Variants in FRAS1 observed in about 807,000 individuals in gnomAD.
The protein encoded by FRAS1 is Fraser extracellular matrix complex subunit 1, also known as extracellular matrix organizing protein FRAS1.
A neutral mutation model predicts 435.2 loss-of-function variants in FRAS1; 290 were observed. The observed-to-expected ratio is 0.67, with a 90% CI of 0.61 to 0.73. The LOEUF (loss-of-function observed/expected upper bound fraction) is 0.73, where lower values mean the gene tolerates loss of function less well. Ranked by LOEUF, FRAS1 falls within the 30% of genes least tolerant of loss-of-function variation. The probability of loss-of-function intolerance (pLI) is 0.00; values close to 1 mark genes in which losing one functional copy is unlikely to be tolerated. For missense variants in FRAS1, 4,860 were observed against 5,001.5 expected (o/e 0.97, Z 0.85); for synonymous variants, 1,800 against 1,851.0 (o/e 0.97, Z 0.71).
Position 78,058,132 on chromosome 4 carries a change from G to A in FRAS1, c.76+47G>A, listed in dbSNP as rs374683314. ...TGTGTGTGTGTGTGCGTGTGCGTGTGTGTGTGTATGTGTGAGTGATCGTGC... is the reference window on the plus strand; with the variant it reads ...TGTGTGTGTGTGTGCGTGTGCGTGTATGTGTGTATGTGTGAGTGATCGTGC... On this transcript the variant is annotated intron_variant, in intron 1 of 73. Transcript: ENST00000512123. 378 of 1,491,764 alleles carry A rather than the reference G, an allele frequency of 2.5e-4. 2 individuals carry two copies. In the African/African-American group the frequency reaches 4.8e-3, roughly 19 times the overall value. 92.4% of individuals were successfully genotyped at this position (1,491,764 alleles called of 1,614,324 possible).
chr4:78,133,966 G>GTT (rs1238418748), intron 2 of FRAS1, among the ~76,000 whole-genome samples: 1 of 93,944 alleles, frequency 1.1e-5, no homozygotes, highest in Non-Finnish European at 2.4e-5. Context: ...TTTTTTTTTT[G>GTT]TTTTTTTTTT....
intron 2 of FRAS1, among the ~76,000 whole-genome samples, chr4:78,227,469 C>T (rs1578195944): frequency 6.6e-6 from 1 of 152,206 alleles, no homozygotes; most frequent in East Asian, 1.9e-4. Flanking sequence ...GAGTCACTGG[C>T]AATGAAACCT....
At position 78,419,500 on chromosome 4, in the gene FRAS1, C is replaced by T. The variant is rs756521063; in HGVS notation, c.4540+437C>T. Reference sequence around the variant, plus strand: ...CAAAGAGGGCTGAGCCACACATATTCAGTTCCTTCCCCGATTGGATACATT... The same window carrying T: ...CAAAGAGGGCTGAGCCACACATATTTAGTTCCTTCCCCGATTGGATACATT... On this transcript the variant is annotated intron_variant, in intron 33 of 73. Transcript: ENST00000512123. Among the ~76,000 whole-genome samples, 83 of 152,162 alleles carry T rather than the reference C, an allele frequency of 5.5e-4. 2 individuals are homozygous for T. Among genetic ancestry groups the T allele is most frequent in the Non-Finnish European group, 1.2e-4 (8 of 68,024 alleles).
intron 1 of FRAS1, among the ~76,000 whole-genome samples, chr4:78,058,814 G>T (rs1196437809): frequency 3.3e-5 from 5 of 152,248 alleles, no homozygotes; most frequent in Admixed American, 6.5e-5. Context: ...TTGTCGCCAT[G>T]ATATCAAATG....
chr4:78,339,975 A>G (rs537469597), intron 20 of FRAS1, among the ~76,000 whole-genome samples: 1 of 152,274 alleles, frequency 6.6e-6, no homozygotes, highest in South Asian at 2.1e-4. Context: ...TTAAAATGTA[A>G]CTCTGAATGT....
At chr4:78,123,125 C>T (rs1157354435) in intron 2 of FRAS1, among the ~76,000 whole-genome samples, 2 of 152,148 alleles carry the variant, frequency 1.3e-5, no homozygotes, top group African/African-American at 4.8e-5. Context: ...ACGTTTAAGT[C>T]TTTGATCCAT....
chr4:78,103,660 G>A (rs1470590706), intron 2 of FRAS1, among the ~76,000 whole-genome samples: 1 of 152,142 alleles, frequency 6.6e-6, no homozygotes, highest in Non-Finnish European at 1.5e-5. Flanking sequence ...ATTGGGGTTA[G>A]TGCCTATATA....
chr4:78,097,611 G>A (rs1288176133), intron 2 of FRAS1, among the ~76,000 whole-genome samples: 4 of 152,160 alleles, frequency 2.6e-5, no homozygotes, highest in African/African-American at 9.7e-5. Context: ...AGCTTGTGCA[G>A]GGAAACTTCC....
chr4:78,301,686 A>AG (rs1432697670), intron 14 of FRAS1, among the ~76,000 whole-genome samples: 1 of 152,022 alleles, frequency 6.6e-6, no homozygotes, highest in Non-Finnish European at 1.5e-5. Flanking sequence ...ACAAAAGGCA[A>AG]GGGGGTGGAG....
At chr4:78,408,794 C>A (rs1733201652) in intron 31 of FRAS1, among the ~76,000 whole-genome samples, 1 of 152,030 alleles carries the variant, frequency 6.6e-6, no homozygotes, top group South Asian at 2.1e-4. Flanking sequence ...AAATACCAGA[C>A]CATAAGGAGA....
intron 48 of FRAS1, 115 bp from the exon 49 acceptor site, chr4:78,464,328 A>C: frequency 6.8e-7 from 1 of 1,464,756 alleles, no homozygotes; most frequent in Non-Finnish European, 9.4e-7. Context: ...TGGGGCTCCT[A>C]ATTATTGACT....
At chr4:78,100,680 CTG>C (rs1275994058) in intron 2 of FRAS1, among the ~76,000 whole-genome samples, 1 of 152,206 alleles carries the variant, frequency 6.6e-6, no homozygotes, top group Non-Finnish European at 1.5e-5. Context: ...ACAAGGCACT[CTG>C]TGCTTTTTTC....
At chr4:78,198,036 C>A (rs900522205) in intron 2 of FRAS1, among the ~76,000 whole-genome samples, 2 of 152,172 alleles carry the variant, frequency 1.3e-5, no homozygotes, top group South Asian at 4.1e-4. Flanking sequence ...CTCCACCCAC[C>A]TCTGATTTCA....
Position 78,522,717 on chromosome 4 carries a change from G to A in FRAS1, c.10717G>A (p.Gly3573Arg). The change falls in exon 69 of 74, where the codon GGA becomes AGA. Residue 3573 changes from glycine to arginine, a missense_variant. Gly to Arg is a moderately radical substitution (Grantham distance 125, BLOSUM62 -2). Transcript: ENST00000512123. ...TTTCGTATTGACTCCAGACCACCTA[G>A]GAGGAATTGAATTTGACTTGCAGCT... ...KSFVLTPDHL[G>R]GIEFDLQLLW... is the part of the protein sequence containing the mutation. 1.2e-6 allele frequency: 2 copies of A among 1,611,754 alleles called. No individual in the cohort carries two copies. Among genetic ancestry groups the A allele is most frequent in the Middle Eastern group, 1.7e-4 (1 of 6,054 alleles).
At chr4:78,531,295 T>G (rs1721704498) in intron 70 of FRAS1, among the ~76,000 whole-genome samples, 1 of 152,210 alleles carries the variant, frequency 6.6e-6, no homozygotes, top group African/African-American at 2.4e-5. Flanking sequence ...ACAGAGGCAA[T>G]TTGACTTCCT....
chr4:78,364,773 A>G (rs972427704), intron 22 of FRAS1, among the ~76,000 whole-genome samples: 1 of 152,238 alleles, frequency 6.6e-6, no homozygotes, highest in African/African-American at 2.4e-5. Context: ...TCATTTGCAA[A>G]AACAAAAAAT....
intron 2 of FRAS1, among the ~76,000 whole-genome samples, chr4:78,118,413 T>C (rs1181175192): frequency 6.6e-6 from 1 of 152,214 alleles, no homozygotes; most frequent in African/African-American, 2.4e-5. Flanking sequence ...GGCTTTTGGC[T>C]ATGACCTGCC....
chr4:78,540,925 C>T lies in FRAS1; in HGVS notation c.11840C>T (p.Pro3947Leu). The T allele has an allele frequency of 6.2e-7, 1 of 1,613,918 alleles. No individual in the cohort carries two copies. The highest frequency in any genetic ancestry group is 8.5e-7 in the Non-Finnish European group (1 of 1,179,888). ...KPAEDILEEY[P>L]LNTKVEVPKR... Reference sequence around the variant, plus strand: ...GCAGAGGACATTTTGGAAGAATATCCTCTGAATACCAAGGTAGAAGTGCCC... The same window carrying T: ...GCAGAGGACATTTTGGAAGAATATCTTCTGAATACCAAGGTAGAAGTGCCC... The change falls in exon 74 of 74, where the codon CCT becomes CTT. Residue 3947 changes from proline (P) to leucine (L), a missense_variant. Physicochemically the swap from Pro to Leu is moderately conservative, Grantham distance 98. Transcript: ENST00000512123.
intron 29 of FRAS1, among the ~76,000 whole-genome samples, chr4:78,395,099 G>C (rs975656897): frequency 4.0e-5 from 6 of 151,812 alleles, no homozygotes; most frequent in Non-Finnish European, 8.8e-5. Context: ...GGAATCTTTA[G>C]GGTTTTCTAC....
Sources: allele counts gnomAD v4.1 joint callset (sites outside exome capture counted in the v4.1 genomes callset), GRCh38; gene constraint gnomAD v4.1.1; transcripts MANE v1.5; gene names NCBI Gene and HGNC (gene_info 2026-07-23, HGNC 2026-07-21).